Variants in OSGEP observed in about 807,000 individuals in gnomAD.
OSGEP encodes O-sialoglycoprotein endopeptidase.
A neutral mutation model predicts 44.1 loss-of-function variants in OSGEP; 39 were observed. The observed-to-expected ratio is 0.88, with a 90% CI of 0.69 to 1.16. The LOEUF (loss-of-function observed/expected upper bound fraction) is 1.16. OSGEP is among the 50% of genes most tolerant of loss of function. The probability of loss-of-function intolerance (pLI) is 0.00; values close to 1 mark genes in which losing one functional copy is unlikely to be tolerated. For missense variants in OSGEP, 403 were observed against 443.1 expected (o/e 0.91, Z 0.81); for synonymous variants, 139 against 161.9 (o/e 0.86, Z 1.07).
intron 1 of OSGEP, among the ~76,000 whole-genome samples, chr14:20,453,362 G>A (rs1204042095): frequency 8.5e-6 from 1 of 118,276 alleles, no homozygotes; most frequent in Non-Finnish European, 1.8e-5. Flanking sequence ...GTTGTAATGT[G>A]TTTTGTACTT....
At chr14:20,449,135 C>T (rs1881031886) in intron 4 of OSGEP, 36 bp downstream of exon 4, 1 of 1,550,474 alleles carries the variant, frequency 6.4e-7, no homozygotes, top group Non-Finnish European at 8.9e-7. Flanking sequence ...AAAAATTCAC[C>T]CACATTTTAT....
intron 1 of OSGEP, among the ~76,000 whole-genome samples, chr14:20,453,099 GT>G (rs1171522701): frequency 1.3e-5 from 2 of 152,164 alleles, no homozygotes; most frequent in East Asian, 3.9e-4. Context: ...ATAATTTTCT[GT>G]GGTTTGCTCA....
Position 20,447,191 on chromosome 14 carries a change from C to T in OSGEP, c.*49G>A. On this transcript the variant is annotated 3_prime_UTR_variant, in exon 11 of 11. Transcript: ENST00000206542. The stretch of plus-strand genomic sequence containing the variant: ...CAGGATAGAGATTGAGGCACGGGGT[C>T]CTTTGGGTTCCGATTAAGGAACTAT... The T allele has an allele frequency of 6.6e-7, 1 of 1,525,664 alleles. No homozygotes were observed. Among genetic ancestry groups the T allele is most frequent in the East Asian group, 2.2e-5 (1 of 44,470 alleles). 94.5% of individuals were successfully genotyped at this position (1,525,664 alleles called of 1,614,324 possible). A position where few individuals can be genotyped will look rare whatever the true frequency, so the allele number is the denominator to read the frequency against.
At chr14:20,454,445 T>C (rs1391690220) in intron 1 of OSGEP, 124 bp downstream of exon 1, 1 of 788,896 alleles carries the variant, frequency 1.3e-6, no homozygotes, top group Non-Finnish European at 2.3e-6. Flanking sequence ...GTGACGTTAA[T>C]AATGTCACAT....
Position 20,446,703 on chromosome 14 carries a change from T to G in OSGEP, c.*537A>C, listed in dbSNP as rs1338663254. The G allele has an allele frequency of 6.5e-6, 1 of 153,314 alleles. No individual in the cohort carries two copies. The highest frequency in any genetic ancestry group is 1.9e-4 in the East Asian group (1 of 5,206). 9.5% of individuals were successfully genotyped at this position (153,314 alleles called of 1,614,324 possible). A position where few individuals can be genotyped will look rare whatever the true frequency, so the allele number is the denominator to read the frequency against. On this transcript the variant is annotated 3_prime_UTR_variant, in exon 11 of 11. Transcript: ENST00000206542. ...CTCCTGACTTGGCCTCCCACAGCAC[T>G]GGGATAACAGGTGTGAGCCTCCAGG...
Position 20,454,761 on chromosome 14 carries a change from G to C in OSGEP, c.-78C>G. 2 of 1,062,580 alleles carry C rather than the reference G, an allele frequency of 1.9e-6. No homozygotes were observed. The highest frequency in any genetic ancestry group is 4.4e-5 in the Admixed American group (2 of 45,904). The allele number at this position is 1,062,580 out of a possible 1,614,324, so 65.8% of individuals were successfully genotyped here. ...TGGAGGTCCTCACTAGTCCGCGCTGGGCCGCAGCTTTCCGGAGCGCAGAGG... is the reference window on the plus strand; with the variant it reads ...TGGAGGTCCTCACTAGTCCGCGCTGCGCCGCAGCTTTCCGGAGCGCAGAGG... On this transcript the variant is annotated 5_prime_UTR_variant, in exon 1 of 11. Coordinates refer to ENST00000206542, the MANE Select transcript of OSGEP (RefSeq NM_017807.4).
At position 20,452,604 on chromosome 14, in the gene OSGEP, G is replaced by A. The variant is rs7151461; in HGVS notation, c.116-156C>T. Among the ~76,000 whole-genome samples the A allele has an allele frequency of 0.086, 13,085 of 152,008 alleles. 997 individuals are homozygous for A. Among genetic ancestry groups the A allele is most frequent in the African/African-American group, 0.21 (8,573 of 41,442 alleles). On this transcript the variant is annotated intron_variant, in intron 1 of 10. Transcript: ENST00000206542. ...CCACATTTTCACATCTACTCTTTCC[G>A]GCTTCTATATAGGCTATTCAACTTT...
chr14:20,452,498 G>A (rs1407868297), intron 1 of OSGEP, 50 bp from the exon 2 acceptor site: 27 of 1,598,998 alleles, frequency 1.7e-5, no homozygotes, highest in Admixed American at 3.4e-5. Flanking sequence ...TGTAGCAAAG[G>A]TAGGTAGGAA....
Position 20,447,556 on chromosome 14 carries a change from G to C in OSGEP, c.870-36C>G, listed in dbSNP as rs779331931. 2.5e-6 allele frequency: 4 copies of C among 1,608,104 alleles called. No individual in the cohort carries two copies. In the South Asian group the frequency reaches 4.4e-5, roughly 18 times the overall value. ...AGAGAGATGAAAATTGGGATCTAAG[G>C]GTGGAAAATCACTATAACAGGAGAA... On this transcript the variant is annotated intron_variant, in intron 9 of 10. Transcript: ENST00000206542.
At chr14:20,454,173 A>T (rs984416595) in intron 1 of OSGEP, among the ~76,000 whole-genome samples, 7 of 151,826 alleles carry the variant, frequency 4.6e-5, no homozygotes, top group African/African-American at 7.3e-5. Flanking sequence ...TCAAAAAATA[A>T]TTTTTTTTTA....
rs1261928584 is a variant in OSGEP at position 20,454,714 on chromosome 14, C to T, written c.-31G>A. 1.3e-6 allele frequency: 2 copies of T among 1,530,640 alleles called. No individual in the cohort carries two copies. The highest frequency in any genetic ancestry group is 2.2e-5 in the East Asian group (1 of 44,476). 94.8% of individuals were successfully genotyped at this position (1,530,640 alleles called of 1,614,324 possible). Reference sequence around the variant, plus strand: ...AGGCTGGGAGAAAACGCCGACAGGACTCCTGGCAATGTCAGGAGCTGTGGA... The same window carrying T: ...AGGCTGGGAGAAAACGCCGACAGGATTCCTGGCAATGTCAGGAGCTGTGGA... On this transcript the variant is annotated 5_prime_UTR_variant, in exon 1 of 11. Transcript: ENST00000206542.
chr14:20,451,123 A>G (rs572910897), intron 3 of OSGEP: 8 of 154,540 alleles, frequency 5.2e-5, no homozygotes, highest in Non-Finnish European at 1.2e-4. Context: ...TAAATAAATA[A>G]ATAAATAAGA....
chr14:20,449,154 C>T lies in OSGEP; in HGVS notation c.507+17G>A. 4 of 1,578,036 alleles carry T rather than the reference C, an allele frequency of 2.5e-6. No homozygotes were observed. Among genetic ancestry groups the T allele is most frequent in the Non-Finnish European group, 3.5e-6 (4 of 1,146,974 alleles). ...ATTCACCCACATTTTATGTTCTCTG[C>T]AGCCCCACTGGCTTACCTTCAGCAC... On this transcript the variant is annotated intron_variant, in intron 4 of 10. Coordinates refer to ENST00000206542, the MANE Select transcript of OSGEP (RefSeq NM_017807.4).
intron 3 of OSGEP, chr14:20,449,588 C>G (rs958801972): frequency 7.1e-6 from 2 of 281,940 alleles, no homozygotes; most frequent in East Asian, 1.7e-4. Context: ...AGGTAACCGG[C>G]TTTTCTGCTT....
Position 20,448,738 on chromosome 14 carries a change from T to G in OSGEP, c.631A>C (p.Ile211Leu). Residue 211 changes from isoleucine (I) to leucine (L), a missense_variant, in exon 6 of 11, where the codon ATT becomes CTT. Physicochemically the swap from Ile to Leu is conservative, Grantham distance 5. Coordinates refer to ENST00000206542, the MANE Select transcript of OSGEP (RefSeq NM_017807.4). ...DVSFSGILSF[I>L]EDVAHRMLAT... ...TCATCACCTCTCACACTCACCTCAA[T>G]GAAAGACAGGATCCCTGAGAATGAG... 1 of 1,610,612 alleles carries G rather than the reference T, an allele frequency of 6.2e-7. No individual in the cohort carries two copies. The highest frequency in any genetic ancestry group is 8.5e-7 in the Non-Finnish European group (1 of 1,176,790).
chr14:20,450,041 TTTTC>T (rs1422192957), intron 3 of OSGEP: 2 of 93,746 alleles, frequency 2.1e-5, no homozygotes, highest in East Asian at 5.0e-4. Context: ...GCCATTTTTC[TTTTC>T]TTTTTTTTTT....
intron 2 of OSGEP, 63 bp from the exon 3 acceptor site, chr14:20,452,212 T>A (rs1881121455): frequency 1.3e-6 from 2 of 1,582,248 alleles, no homozygotes; most frequent in Non-Finnish European, 1.7e-6. Flanking sequence ...GTGGGGGACA[T>A]AAGGGATGTG....
chr14:20,453,847 C>T (rs1025629365), intron 1 of OSGEP, among the ~76,000 whole-genome samples: 9 of 151,992 alleles, frequency 5.9e-5, no homozygotes, highest in African/African-American at 2.2e-4. Context: ...GTGGAAACCC[C>T]GACTCTACTA....
At position 20,448,793 on chromosome 14, in the gene OSGEP, C is replaced by T. The variant is rs1594407192; in HGVS notation, c.576G>A (p.Glu192=). 1 of 1,613,106 alleles carries T rather than the reference C, an allele frequency of 6.2e-7. No homozygotes were observed. Among genetic ancestry groups the T allele is most frequent in the East Asian group, 2.2e-5 (1 of 44,884 alleles). ...QMAKRGKKLV[E]LPYTVKGMDV... Reference sequence around the variant, plus strand: ...CCATCCCCTTTACAGTGTATGGCAGCTCAACTAGCTTCTTGCCTCTATGTG... The same window carrying T: ...CCATCCCCTTTACAGTGTATGGCAGTTCAACTAGCTTCTTGCCTCTATGTG... The change falls in exon 6 of 11, where the codon GAG becomes GAA. Residue 192 remains glutamate (E), a synonymous_variant. Coordinates refer to ENST00000206542, the MANE Select transcript of OSGEP (RefSeq NM_017807.4).
Sources: allele counts gnomAD v4.1 joint callset (sites outside exome capture counted in the v4.1 genomes callset), GRCh38; gene constraint gnomAD v4.1.1; transcripts MANE v1.5; gene names NCBI Gene and HGNC (gene_info 2026-07-23, HGNC 2026-07-21).